TLCD1: variants seen among roughly 807,000 people sequenced by gnomAD.
TLCD1 encodes TLC domain-containing protein 1.
A neutral mutation model predicts 21.2 loss-of-function variants in TLCD1; 21 were observed. The observed-to-expected ratio is 0.99, with a 90% CI of 0.70 to 1.42. The LOEUF (loss-of-function observed/expected upper bound fraction) is 1.42. TLCD1 is among the 40% of genes most tolerant of loss of function. TLCD1 has a pLI of 0.00. For synonymous variants in TLCD1, 168 were observed against 134.8 expected, an observed-to-expected ratio of 1.25 and a Z score of -1.71; for missense variants, 344 against 330.3, an observed-to-expected ratio of 1.04 and a Z score of -0.32.
At chr17:28,726,309 G>T, upstream of TLCD1, 2 of 844,236 alleles carry the variant, frequency 2.4e-6, no homozygotes, top group Non-Finnish European at 2.7e-6. Context: ...CGCCCCGCCC[G>T]CCTGCCCCCG....
Position 28,725,878 on chromosome 17 carries a change from C to T in TLCD1, c.194+26G>A, listed in dbSNP as rs371795589. 3.4e-5 allele frequency: 54 copies of T among 1,607,352 alleles called. No homozygotes were observed. In the African/African-American group the frequency reaches 6.7e-4, roughly 20 times the overall value. On this transcript the variant is annotated intron_variant, in intron 1 of 3. Coordinates refer to ENST00000292090, the MANE Select transcript of TLCD1 (RefSeq NM_138463.4). ...CTCCCCGCTCAGGATCCCCTGGCCA[C>T]CTCATTTCCACAGTCGCTCACTCAC...
Position 28,724,777 on chromosome 17 carries a change from G to T in TLCD1, c.477C>A (p.Ile159=). 6.2e-7 allele frequency: 1 copy of T among 1,614,158 alleles called. No individual in the cohort carries two copies. The highest frequency in any genetic ancestry group is 8.5e-7 in the Non-Finnish European group (1 of 1,180,028). The change falls in exon 4 of 4, where the codon ATC becomes ATA. Residue 159 remains isoleucine (I), a synonymous_variant. Coordinates refer to ENST00000292090, the MANE Select transcript of TLCD1 (RefSeq NM_138463.4). The stretch of plus-strand genomic sequence containing the variant: ...AGAGGAGATGATCCTGGGCATTACT[G>T]ATTTTCATCATCATGCGAATGGTGA... The part of the protein sequence containing the change: ...IFLTIRMMMK[I]SNAQDHLLYR...
chr17:28,726,815 C>G, upstream of TLCD1: 2 of 1,548,054 alleles, frequency 1.3e-6, no homozygotes, highest in Non-Finnish European at 8.7e-7. Flanking sequence ...CCATCGCCAC[C>G]TCTTCCCGCC....
intron 3 of TLCD1, 47 bp from the exon 4 acceptor site, chr17:28,724,940 T>C (rs912882945): frequency 1.9e-6 from 3 of 1,570,654 alleles, no homozygotes; most frequent in Non-Finnish European, 2.6e-6. Flanking sequence ...ATGCAGACGC[T>C]TTCCTGGAAG....
At position 28,724,667 on chromosome 17, in the gene TLCD1, C is replaced by A. The variant is rs141253957; in HGVS notation, c.587G>T (p.Arg196Leu). 3 of 1,614,080 alleles carry A rather than the reference C, an allele frequency of 1.9e-6. No individual in the cohort carries two copies. Among genetic ancestry groups the A allele is most frequent in the African/African-American group, 1.3e-5 (1 of 75,000 alleles). Residue 196 changes from arginine (R) to leucine (L), a missense_variant, in exon 4 of 4, where the codon CGT becomes CTT. Coordinates refer to ENST00000292090, the MANE Select transcript of TLCD1 (RefSeq NM_138463.4). The part of the protein sequence containing the change: ...PQAYLTHFFL[R>L]YVNQRTLGTF... Reference sequence around the variant, plus strand: ...GCCCAGGGTCCTCTGGTTCACATAACGCAAGAAGAAATGGGTGAGGTAGGC... The same window carrying A: ...GCCCAGGGTCCTCTGGTTCACATAAAGCAAGAAGAAATGGGTGAGGTAGGC...
At chr17:28,727,152 G>C (rs915948038), upstream of TLCD1, 2 of 340,360 alleles carry the variant, frequency 5.9e-6, no homozygotes, top group East Asian at 1.1e-4. Flanking sequence ...GAGCGGGGAG[G>C]GAGAAGAGGG....
In TLCD1 at chr17:28,725,788, G is replaced by A; in HGVS notation, c.194+116C>T. 15 of 1,383,166 alleles carry A rather than the reference G, an allele frequency of 1.1e-5. No individual in the cohort carries two copies. The South Asian group carries it at 2.1e-4, about 19-fold the overall frequency. 85.7% of individuals were successfully genotyped at this position (1,383,166 alleles called of 1,614,324 possible). On this transcript the variant is annotated intron_variant, in intron 1 of 3. Coordinates refer to ENST00000292090, the MANE Select transcript of TLCD1 (RefSeq NM_138463.4). ...TGGATAGGATACCAAACGGGATCAG[G>A]TGAGACTGCGTGGCCTCAGCCCGCC...
rs984037159 is a variant in TLCD1, at chr17:28,724,396, C to G, written c.*114G>C. ...GTTTTCAATAGTGTGGGCGCAGGCT[C>G]AGAAGGTGGAGAGGCTGGCCTCAGA... On this transcript the variant is annotated 3_prime_UTR_variant, in exon 4 of 4. Coordinates refer to ENST00000292090, the MANE Select transcript of TLCD1 (RefSeq NM_138463.4). The G allele has an allele frequency of 1.5e-6, 2 of 1,329,194 alleles. No individual in the cohort carries two copies. The highest frequency in any genetic ancestry group is 2.1e-5 in the Admixed American group (1 of 46,610). 82.3% of individuals were successfully genotyped at this position (1,329,194 alleles called of 1,614,324 possible).
upstream of TLCD1, among the ~76,000 whole-genome samples, chr17:28,727,098 G>A (rs1419365498): frequency 1.3e-5 from 2 of 152,044 alleles, no homozygotes; most frequent in South Asian, 4.1e-4. Flanking sequence ...CTGGGCGAAA[G>A]GAGGAGCAGC....
Position 28,724,503 on chromosome 17 carries a change from G to C in TLCD1, c.*7C>G. ...GTCCGTTTTTGTTGTCCCAGGCTCT[G>C]TGCCCCTCACTCAGTCAAGAACTTG... On this transcript the variant is annotated 3_prime_UTR_variant, in exon 4 of 4. Transcript: ENST00000292090. The C allele has an allele frequency of 1.2e-6, 2 of 1,611,416 alleles. No individual in the cohort carries two copies. Among genetic ancestry groups the C allele is most frequent in the African/African-American group, 1.3e-5 (1 of 74,842 alleles).
intron 3 of TLCD1, 148 bp from the exon 4 acceptor site, chr17:28,725,041 G>C (rs1452343364): frequency 3.0e-6 from 3 of 986,626 alleles, no homozygotes; most frequent in Non-Finnish European, 4.4e-6. Context: ...GCTTTGTTTT[G>C]TTAGTTCAAC....
At chr17:28,725,448 C>T (rs1192226461) in intron 2 of TLCD1, 33 bp downstream of exon 2, 3 of 1,614,116 alleles carry the variant, frequency 1.9e-6, no homozygotes, top group Middle Eastern at 1.6e-4. Flanking sequence ...TCCCTGTCCC[C>T]AATTTGCCTC....
upstream of TLCD1, chr17:28,727,034 C>T: frequency 3.4e-6 from 2 of 588,032 alleles, no homozygotes; most frequent in Non-Finnish European, 6.1e-6. Flanking sequence ...CGCGGGCTCC[C>T]CCTCCCGCCT....
At position 28,724,638 on chromosome 17, in the gene TLCD1, A is replaced by G; in HGVS notation, c.616T>C (p.Phe206Leu). 1.9e-6 allele frequency: 3 copies of G among 1,614,182 alleles called. No homozygotes were observed. The South Asian group carries it at 3.3e-5, about 18-fold the overall frequency. Residue 206 changes from phenylalanine to leucine, a missense_variant, in exon 4 of 4, where the codon TTC (phenylalanine) becomes CTC (leucine). Physicochemically the swap from Phe to Leu is conservative, Grantham distance 22. Transcript: ENST00000292090. ...RYVNQRTLGT[F>L]LLGILLMLDV... The stretch of plus-strand genomic sequence containing the variant: ...AGCATGAGCAGGATACCCAGCAGGA[A>G]GGTGCCCAGGGTCCTCTGGTTCACA...
Position 28,725,956 on chromosome 17 carries a change from G to C in TLCD1, c.142C>G (p.Leu48Val). The change falls in exon 1 of 4, where the codon CTG becomes GTG. Residue 48 changes from leucine (L) to valine (V), a missense_variant. Leu to Val is a conservative substitution (Grantham distance 32). Transcript: ENST00000292090. ...DPLRTWRWHN[L>V]LVSFAHSIVS... ...ATGGAGTGAGCGAAGGAGACGAGCA[G>C]GTTGTGCCAGCGCCAGGTGCGCAGG... 6.2e-7 allele frequency: 1 copy of C among 1,612,784 alleles called. No homozygotes were observed. Among genetic ancestry groups the C allele is most frequent in the Non-Finnish European group, 8.5e-7 (1 of 1,179,790 alleles).
intron 1 of TLCD1, 109 bp from the exon 2 acceptor site, chr17:28,725,672 A>T: frequency 1.5e-6 from 2 of 1,297,480 alleles, no homozygotes; most frequent in Non-Finnish European, 2.2e-6. Flanking sequence ...CTAGTGGCTG[A>T]CTGGGAAGCT....
chr17:28,725,085 T>TGAGTGGTGGTGGTGGTG (rs2034195273), intron 3 of TLCD1, among the ~76,000 whole-genome samples, 192 bp from the exon 4 acceptor site: 1 of 152,192 alleles, frequency 6.6e-6, no homozygotes, highest in Non-Finnish European at 1.5e-5. Flanking sequence ...CACAGCTGGC[T>TGAGTGGTGGTGGTGGTG]GTGGGTGATG....
upstream of TLCD1, chr17:28,727,417 GCT>G: frequency 6.5e-6 from 1 of 153,810 alleles, no homozygotes; most frequent in Non-Finnish European, 1.5e-5. Context: ...TCACAGAGCT[GCT>G]CTGTCCGCCG....
At chr17:28,727,024 C>G (rs111651494), upstream of TLCD1, 5,325 of 589,058 alleles carry the variant, frequency 9.0e-3, 53 homozygotes, top group Non-Finnish European at 0.011. Context: ...CTCACTGTGG[C>G]GCGGGCTCCC....
Sources: gnomAD v4.1 joint callset for allele counts (sites outside exome capture counted in the v4.1 genomes callset) on GRCh38, gnomAD v4.1.1 for gene constraint, MANE v1.5 for transcripts, NCBI Gene and HGNC (gene_info 2026-07-23, HGNC 2026-07-21) for gene names.